Variants in SLC27A5 observed in about 807,000 individuals in gnomAD.
SLC27A5 encodes long-chain fatty acid transport protein 5.
In SLC27A5, 47 loss-of-function variants were observed where a neutral mutation model predicts 63.1. The ratio of observed to expected loss-of-function variants is 0.74; its 90% CI spans 0.59 to 0.95. The LOEUF (loss-of-function observed/expected upper bound fraction) is 0.95, where lower values mean the gene tolerates loss of function less well. SLC27A5 is among the 40% of genes least tolerant of loss of function. SLC27A5 has a pLI of 0.00. For missense variants in SLC27A5, 940 were observed against 921.0 expected (o/e 1.02, Z -0.27); for synonymous variants, 391 against 403.8 (o/e 0.97, Z 0.38).
At chr19:58,501,256 C>A in intron 4 of SLC27A5, 30 bp downstream of exon 4, 1 of 1,604,588 alleles carries the variant, frequency 6.2e-7, no homozygotes, top group South Asian at 1.1e-5. Flanking sequence ...CTTGGGTGTT[C>A]ACCATGGAGC....
chr19:58,502,480 T>A (rs28406979), intron 3 of SLC27A5, among the ~76,000 whole-genome samples: 11,971 of 32,520 alleles, frequency 0.37, 2,322 homozygotes, highest in East Asian at 0.6. Flanking sequence ...AGTGAGTGAG[T>A]AGATGGATGG....
chr19:58,505,727 A>G (rs1233917738), intron 3 of SLC27A5, among the ~76,000 whole-genome samples: 1 of 151,790 alleles, frequency 6.6e-6, no homozygotes, highest in East Asian at 2.0e-4. Flanking sequence ...ACATGCCTGT[A>G]ATCCCAGCTA....
chr19:58,507,780 G>C (rs765301993), intron 3 of SLC27A5: 4 of 152,104 alleles, frequency 2.6e-5, no homozygotes, highest in Non-Finnish European at 4.4e-5. Flanking sequence ...ATAAATGGCC[G>C]CTCTGGGAAT....
chr19:58,501,433 G>A, intron 3 of SLC27A5, 23 bp from the exon 4 acceptor site: 1 of 1,608,822 alleles, frequency 6.2e-7, no homozygotes, highest in Non-Finnish European at 8.5e-7. Context: ...AGGAGAGGGG[G>A]TTTCAGGTCA....
At chr19:58,502,724 T>A (rs1463960325) in intron 3 of SLC27A5, among the ~76,000 whole-genome samples, 20 of 145,848 alleles carry the variant, frequency 1.4e-4, no homozygotes, top group South Asian at 6.6e-4. Context: ...AGTGAGTGAG[T>A]AGATGGATGG....
At chr19:58,509,707 G>A in intron 3 of SLC27A5, 140 bp downstream of exon 3, 1 of 735,814 alleles carries the variant, frequency 1.4e-6, no homozygotes, top group Non-Finnish European at 2.1e-6. Context: ...GGCCCTGGTA[G>A]TCATTGGTGG....
At chr19:58,510,984 G>C (rs984229257) in intron 1 of SLC27A5, 54 bp from the exon 2 acceptor site, 3 of 1,440,656 alleles carry the variant, frequency 2.1e-6, no homozygotes, top group Non-Finnish European at 2.8e-6. Context: ...TTGAGGTTGC[G>C]AGGCGGGATC....
At position 58,511,764 on chromosome 19, in the gene SLC27A5, C is replaced by T. The variant is rs1555794930; in HGVS notation, c.192G>A (p.Leu64=). ...GTGCCAGGGCCGCAGCTGCCAGGCTCAGCCCATGGGGCACCCAGGGGCCGA... is the reference window on the plus strand; with the variant it reads ...GTGCCAGGGCCGCAGCTGCCAGGCTTAGCCCATGGGGCACCCAGGGGCCGA... ...PWLGPWVPHG[L]SLAAAALALT... The change falls in exon 1 of 10, where the codon CTG becomes CTA. Residue 64 remains leucine, a synonymous_variant. Coordinates refer to ENST00000263093, the MANE Select transcript of SLC27A5 (RefSeq NM_012254.3). 6 of 1,551,332 alleles carry T rather than the reference C, an allele frequency of 3.9e-6. No homozygotes were observed. The highest frequency in any genetic ancestry group is 5.2e-6 in the Non-Finnish European group (6 of 1,147,206).
At position 58,498,797 on chromosome 19, in the gene SLC27A5, G is replaced by C; in HGVS notation, c.1884C>G (p.Phe628Leu). 6.2e-7 allele frequency: 1 copy of C among 1,613,970 alleles called. No individual in the cohort carries two copies. Among genetic ancestry groups the C allele is most frequent in the Non-Finnish European group, 8.5e-7 (1 of 1,179,928 alleles). ...ACCCTGGGCTCACCTGGATGCGGAT[G>C]AAATGGGGGGTAGCGTAGGCAGGGA... The part of the protein sequence containing the change: ...AWLPAYATPH[F>L]IRIQDAMEVT... The change falls in exon 9 of 10, where the codon TTC becomes TTG. Residue 628 changes from phenylalanine (F) to leucine (L), a missense_variant. Coordinates refer to ENST00000263093, the MANE Select transcript of SLC27A5 (RefSeq NM_012254.3).
intron 3 of SLC27A5, among the ~76,000 whole-genome samples, chr19:58,507,081 G>A (rs558629768): frequency 2.6e-4 from 40 of 151,682 alleles, no homozygotes; most frequent in Non-Finnish European, 4.1e-4. Flanking sequence ...AAATTTGGCC[G>A]GGCGCGGTGG....
chr19:58,506,266 G>A (rs1032798710), intron 3 of SLC27A5, among the ~76,000 whole-genome samples: 1 of 150,950 alleles, frequency 6.6e-6, no homozygotes, highest in Non-Finnish European at 1.5e-5. Flanking sequence ...CAGGCGCGGT[G>A]GTTCACGCCT....
At chr19:58,501,477 C>A in intron 3 of SLC27A5, 67 bp from the exon 4 acceptor site, 1 of 1,532,544 alleles carries the variant, frequency 6.5e-7, no homozygotes, top group Non-Finnish European at 8.9e-7. Flanking sequence ...CTGCTTTTAG[C>A]ACCTGTGCTC....
At position 58,511,423 on chromosome 19, in the gene SLC27A5, A is replaced by G; in HGVS notation, c.533T>C (p.Leu178Pro). 6 of 1,606,532 alleles carry G rather than the reference A, an allele frequency of 3.7e-6. No homozygotes were observed. The South Asian group carries it at 6.7e-5, about 18-fold the overall frequency. The change falls in exon 1 of 10, where the codon CTT becomes CCT. Residue 178 changes from leucine to proline, a missense_variant. Coordinates refer to ENST00000263093, the MANE Select transcript of SLC27A5 (RefSeq NM_012254.3). ...SLCAGEPTALLVLASQAVPAL... is the reference protein window; with the variant it reads ...SLCAGEPTALPVLASQAVPAL... Reference sequence around the variant, plus strand: ...TGGAACGGCCTGGGAAGCCAGCACAAGGAGGGCAGTAGGCTCCCCGGCACA... The same window carrying G: ...TGGAACGGCCTGGGAAGCCAGCACAGGGAGGGCAGTAGGCTCCCCGGCACA...
chr19:58,501,856 A>G (rs2053277264), intron 3 of SLC27A5, among the ~76,000 whole-genome samples: 1 of 151,998 alleles, frequency 6.6e-6, no homozygotes, highest in Non-Finnish European at 1.5e-5. Context: ...GTACTTTTTT[A>G]AGTACAGACG....
chr19:58,502,946 C>T (rs903090643), intron 3 of SLC27A5, among the ~76,000 whole-genome samples: 6 of 152,168 alleles, frequency 3.9e-5, no homozygotes, highest in Non-Finnish European at 5.9e-5. Flanking sequence ...GATCGTCACG[C>T]CTGTAATCCC....
chr19:58,499,568 A>G lies in SLC27A5; in HGVS notation c.1591T>C (p.Tyr531His). ...ATGGCCAGTACGTCCCCGGTGTTGTAGTAAACGTCGCCCGATTGCCGCACG... is the reference window on the plus strand; with the variant it reads ...ATGGCCAGTACGTCCCCGGTGTTGTGGTAAACGTCGCCCGATTGCCGCACG... ...RNVRQSGDVY[Y>H]NTGDVLAMDR... Residue 531 changes from tyrosine to histidine, a missense_variant, in exon 7 of 10, where the codon TAC becomes CAC. By Grantham distance (83) the Tyr-to-His change is moderately conservative. Coordinates refer to ENST00000263093, the MANE Select transcript of SLC27A5 (RefSeq NM_012254.3). 2.5e-6 allele frequency: 4 copies of G among 1,612,958 alleles called. No homozygotes were observed. The highest frequency in any genetic ancestry group is 3.4e-6 in the Non-Finnish European group (4 of 1,179,978).
chr19:58,498,981 C>T (rs1185548589), intron 8 of SLC27A5, 66 bp from the exon 9 acceptor site: 2 of 1,591,586 alleles, frequency 1.3e-6, no homozygotes, highest in African/African-American at 1.3e-5. Flanking sequence ...CCTCCAGCCT[C>T]GCCCAGCTCT....
intron 3 of SLC27A5, chr19:58,507,974 A>G (rs2053365770): frequency 6.6e-6 from 1 of 152,230 alleles, no homozygotes; most frequent in Admixed American, 6.5e-5. Flanking sequence ...ACCACTGAAC[A>G]TAGACCCTTA....
chr19:58,510,036 G>A (rs1327563526), intron 2 of SLC27A5, 31 bp from the exon 3 acceptor site: 11 of 1,604,692 alleles, frequency 6.9e-6, no homozygotes, highest in Non-Finnish European at 9.4e-6. Flanking sequence ...AGGGCAGGGT[G>A]GTGACATGAC....
Sources: allele counts gnomAD v4.1 joint callset (sites outside exome capture counted in the v4.1 genomes callset), GRCh38; gene constraint gnomAD v4.1.1; transcripts MANE v1.5; gene names NCBI Gene and HGNC (gene_info 2026-07-23, HGNC 2026-07-21).